Variants in FGF10 observed in about 807,000 individuals in gnomAD.
FGF10 encodes FGF-10.
FGF10 carries 2 observed loss-of-function variants against 19.8 expected under a neutral mutation model. The ratio of observed to expected loss-of-function variants is 0.10; its 90% CI spans 0.04 to 0.32. The LOEUF (loss-of-function observed/expected upper bound fraction) is 0.32, where lower values mean the gene tolerates loss of function less well. Ranked by LOEUF, FGF10 falls within the 10% of genes least tolerant of loss-of-function variation. The pLI is 1.00. For synonymous variants in FGF10, 112 were observed against 94.0 expected, an observed-to-expected ratio of 1.19 and a Z score of -1.10; for missense variants, 191 against 246.3, an observed-to-expected ratio of 0.78 and a Z score of 1.50.
At chr5:44,361,249 C>G (rs1448567252) in intron 1 of FGF10, among the ~76,000 whole-genome samples, 3 of 151,676 alleles carry the variant, frequency 2.0e-5, no homozygotes, top group Non-Finnish European at 3.0e-5. Flanking sequence ...CTTGGGTCTT[C>G]TTAGCTTGTA....
intron 2 of FGF10, among the ~76,000 whole-genome samples, chr5:44,307,081 G>A (rs138356845): frequency 2.6e-5 from 4 of 152,276 alleles, no homozygotes; most frequent in African/African-American, 9.6e-5. Context: ...TTCAGATGAA[G>A]CTAGGTATAC....
intron 1 of FGF10, among the ~76,000 whole-genome samples, chr5:44,377,194 T>A (rs1741886727): frequency 6.6e-6 from 1 of 152,234 alleles, no homozygotes; most frequent in Non-Finnish European, 1.5e-5. Flanking sequence ...CAGTGTGACC[T>A]CCTGATGTCA....
chr5:44,376,073 A>G (rs1254989886), intron 1 of FGF10, among the ~76,000 whole-genome samples: 1 of 152,152 alleles, frequency 6.6e-6, no homozygotes, highest in Admixed American at 6.5e-5. Flanking sequence ...ATGGCATAAA[A>G]GAGTAATGAG....
intron 1 of FGF10, among the ~76,000 whole-genome samples, chr5:44,382,315 AT>A (rs1742002617): frequency 6.6e-6 from 1 of 152,136 alleles, no homozygotes; most frequent in Non-Finnish European, 1.5e-5. Flanking sequence ...TAAGGTCATT[AT>A]TTTGTGGGTG....
In FGF10 at chr5:44,356,204, G is replaced by A. The variant is rs557176479; in HGVS notation, c.325+32154C>T. ...AATGGCAGGCTTTTCCCACTGAAAG[G>A]GAGTGGTTCCCGTGGGTAATATCTA... On this transcript the variant is annotated intron_variant, in intron 1 of 2. Transcript: ENST00000264664. Among the ~76,000 whole-genome samples the A allele has an allele frequency of 4.6e-5, 7 of 151,466 alleles. No individual in the cohort carries two copies. The East Asian group carries it at 1.2e-3, about 25-fold the overall frequency.
chr5:44,307,910 G>A (rs1202134931), intron 2 of FGF10, among the ~76,000 whole-genome samples: 1 of 152,216 alleles, frequency 6.6e-6, no homozygotes, highest in Non-Finnish European at 1.5e-5. Flanking sequence ...GAGACAGGCT[G>A]GAAGTGGAAA....
At chr5:44,340,190 C>T (rs1432195675) in intron 1 of FGF10, among the ~76,000 whole-genome samples, 2 of 152,026 alleles carry the variant, frequency 1.3e-5, no homozygotes, top group Non-Finnish European at 2.9e-5. Context: ...ACTGAAATAG[C>T]AGTGGAGGGG....
At chr5:44,326,406 T>G (rs1313060024) in intron 1 of FGF10, among the ~76,000 whole-genome samples, 2 of 152,040 alleles carry the variant, frequency 1.3e-5, no homozygotes, top group African/African-American at 2.4e-5. Context: ...GTTTATTACG[T>G]ATTTATTGTT....
At chr5:44,327,262 C>T (rs569856999) in intron 1 of FGF10, among the ~76,000 whole-genome samples, 35 of 152,222 alleles carry the variant, frequency 2.3e-4, no homozygotes, top group Middle Eastern at 6.8e-3. Context: ...AAGCCATCTA[C>T]GAAACATAAG....
chr5:44,348,848 T>C (rs1017351666), intron 1 of FGF10, among the ~76,000 whole-genome samples: 1 of 151,464 alleles, frequency 6.6e-6, no homozygotes, highest in African/African-American at 2.4e-5. Flanking sequence ...GTGACTTATG[T>C]TTCCCCTCAT....
intron 2 of FGF10, among the ~76,000 whole-genome samples, 181 bp downstream of exon 2, chr5:44,310,246 G>A (rs1474759890): frequency 6.6e-6 from 1 of 152,108 alleles, no homozygotes; most frequent in Non-Finnish European, 1.5e-5. Flanking sequence ...GAACAACAGA[G>A]GAGATTACAG....
chr5:44,354,052 G>A (rs533479010), intron 1 of FGF10, among the ~76,000 whole-genome samples: 1 of 151,248 alleles, frequency 6.6e-6, no homozygotes, highest in Admixed American at 6.6e-5. Context: ...TCTCTCTGGA[G>A]TTCTTAGTTT....
At position 44,386,215 on chromosome 5, in the gene FGF10, G is replaced by A. The variant is rs17233945; in HGVS notation, c.325+2143C>T. 6.6e-4 allele frequency among the ~76,000 whole-genome samples: 100 copies of A among 152,192 alleles called. 1 individual carries two copies. Among genetic ancestry groups the A allele is most frequent in the Middle Eastern group, 6.8e-3 (2 of 294 alleles). On this transcript the variant is annotated intron_variant, in intron 1 of 2. Coordinates refer to ENST00000264664, the MANE Select transcript of FGF10 (RefSeq NM_004465.2). The stretch of plus-strand genomic sequence containing the variant: ...ACTGTGGAAATCATTTTACTCTGCA[G>A]CTAATCACACGTGATTATTATTCTA...
chr5:44,352,423 T>C (rs1343211372), intron 1 of FGF10, among the ~76,000 whole-genome samples: 1 of 151,570 alleles, frequency 6.6e-6, no homozygotes, highest in Non-Finnish European at 1.5e-5. Flanking sequence ...TCTTACATTT[T>C]AGGAACAAAA....
chr5:44,367,531 G>C (rs1270860890), intron 1 of FGF10, among the ~76,000 whole-genome samples: 1 of 151,948 alleles, frequency 6.6e-6, no homozygotes, highest in Non-Finnish European at 1.5e-5. Flanking sequence ...TACTACCTGG[G>C]TTCAAATCCT....
Position 44,388,393 on chromosome 5 carries a change from T to C in FGF10, c.290A>G (p.Lys97Arg). ...KYFLKIEKNG[K>R]VSGTKKENCP... ...GTTCTCCTTCTTGGTCCCGCTGACC[T>C]TCCCGTTCTTCTCAATCTTGAGAAA... Residue 97 changes from lysine to arginine, a missense_variant, in exon 1 of 3, where the codon AAG (lysine) becomes AGG (arginine). Physicochemically the swap from Lys to Arg is conservative, Grantham distance 26. Around this residue, in one of 2 missense-constraint regions of FGF10, gnomAD observed 99 missense variants for 161.7 expected, o/e 0.61. Coordinates refer to ENST00000264664, the MANE Select transcript of FGF10 (RefSeq NM_004465.2). The C allele has an allele frequency of 6.2e-7, 1 of 1,613,728 alleles. No individual in the cohort carries two copies. Among genetic ancestry groups the C allele is most frequent in the Admixed American group, 1.7e-5 (1 of 60,024 alleles).
chr5:44,307,449 CT>C (rs1740104951), intron 2 of FGF10, among the ~76,000 whole-genome samples: 1 of 152,008 alleles, frequency 6.6e-6, no homozygotes. Flanking sequence ...CAGTTTTATA[CT>C]TTATTTACTG....
intron 1 of FGF10, among the ~76,000 whole-genome samples, chr5:44,374,021 T>G (rs1478556576): frequency 6.6e-6 from 1 of 152,126 alleles, no homozygotes; most frequent in Non-Finnish European, 1.5e-5. Flanking sequence ...ATTCTCTCAA[T>G]GTTCTGGGGA....
At chr5:44,375,710 G>C (rs1014596945) in intron 1 of FGF10, among the ~76,000 whole-genome samples, 4 of 152,036 alleles carry the variant, frequency 2.6e-5, no homozygotes, top group Admixed American at 1.3e-4. Context: ...AGACTAGGAT[G>C]GTCTTGTGAT....
Sources: allele counts gnomAD v4.1 joint callset (sites outside exome capture counted in the v4.1 genomes callset), GRCh38; gene constraint gnomAD v4.1.1; regional missense constraint gnomAD v4.1.1; transcripts MANE v1.5; gene names NCBI Gene and HGNC (gene_info 2026-07-23, HGNC 2026-07-21).